ZNF215: variants seen among roughly 807,000 people sequenced by gnomAD.
The protein encoded by ZNF215 is zinc finger protein 215.
In ZNF215, 24 loss-of-function variants were observed where a neutral mutation model predicts 27.2. The observed-to-expected ratio is 0.88, with a 90% CI of 0.64 to 1.24. ZNF215 has a LOEUF of 1.24. ZNF215 is among the 50% of genes most tolerant of loss of function. The pLI is 0.00. For synonymous variants in ZNF215, 210 were observed against 204.0 expected (o/e 1.03, Z -0.25); for missense variants, 675 against 605.7 (o/e 1.11, Z -1.20).
Position 6,932,634 on chromosome 11 carries a change from C to T in ZNF215, c.362C>T (p.Thr121Ile). 1 of 1,613,510 alleles carries T rather than the reference C, an allele frequency of 6.2e-7. No individual in the cohort carries two copies. The highest frequency in any genetic ancestry group is 8.5e-7 in the Non-Finnish European group (1 of 1,179,704). ...CCAAACAACAGTAAAGATATGGTGA[C>T]CCTCATAGAAGATGTGATTGAAATG... The part of the protein sequence containing the change: ...QHPNNSKDMV[T>I]LIEDVIEMLE... Residue 121 changes from threonine to isoleucine, a missense_variant, in exon 3 of 7, where the codon ACC becomes ATC. Coordinates refer to ENST00000278319, the MANE Select transcript of ZNF215 (RefSeq NM_013250.4).
In ZNF215 at chr11:6,932,600, T is replaced by C; in HGVS notation, c.328T>C (p.Leu110=). ...LPEEVRTWVN[L]QHPNNSKDMV... is the part of the protein sequence containing the mutation. ...TGAAGAAGTCAGGACTTGGGTGAAT[T>C]TACAACATCCAAACAACAGTAAAGA... Residue 110 remains leucine, a synonymous_variant, in exon 3 of 7, where the codon TTA becomes CTA. Transcript: ENST00000278319. 1.9e-6 allele frequency: 3 copies of C among 1,614,134 alleles called. No individual in the cohort carries two copies. The highest frequency in any genetic ancestry group is 1.7e-6 in the Non-Finnish European group (2 of 1,180,022).
intron 5 of ZNF215, among the ~76,000 whole-genome samples, chr11:6,975,828 T>C (rs1029473268): frequency 3.9e-5 from 6 of 152,162 alleles, no homozygotes; most frequent in African/African-American, 1.4e-4. Context: ...CAGATATTTC[T>C]TTGATATACT....
chr11:6,968,720 G>T (rs1162253384), intron 5 of ZNF215, among the ~76,000 whole-genome samples: 3 of 151,944 alleles, frequency 2.0e-5, no homozygotes, highest in African/African-American at 7.3e-5. Flanking sequence ...ACAAAAGTTA[G>T]CCAGGCATGG....
rs550024325 is a variant in ZNF215, at chr11:6,931,843, A to G, written c.-179-251A>G. On this transcript the variant is annotated intron_variant, in intron 2 of 6. Coordinates refer to ENST00000278319, the MANE Select transcript of ZNF215 (RefSeq NM_013250.4). ...ATAGAATAAATCTAATTGTAATTCA[A>G]TTACGAAGTTTTTTTAAATCAAAGG... 7.2e-5 allele frequency among the ~76,000 whole-genome samples: 11 copies of G among 152,336 alleles called. No individual in the cohort carries two copies. The East Asian group carries it at 7.7e-4, about 11-fold the overall frequency.
intron 2 of ZNF215, among the ~76,000 whole-genome samples, chr11:6,928,029 T>G (rs1340727407): frequency 6.6e-6 from 1 of 152,226 alleles, no homozygotes; most frequent in East Asian, 1.9e-4. Context: ...TTTGATTCTC[T>G]TTTATCTTTT....
chr11:6,988,456 C>A (rs1851083239), downstream of ZNF215: 2 of 170,660 alleles, frequency 1.2e-5, no homozygotes, highest in Admixed American at 6.5e-5. Context: ...TTTAGAACAG[C>A]ATATAATAAA....
exon 6 of ZNF215, chr11:6,984,411 C>A: frequency 6.3e-6 from 1 of 158,106 alleles, no homozygotes; most frequent in Non-Finnish European, 1.4e-5. Context: ...GCCCAGCTGT[C>A]CCTTAACATT....
At chr11:6,958,923 G>T (rs1850458959), downstream of ZNF215, among the ~76,000 whole-genome samples, 4 of 152,008 alleles carry the variant, frequency 2.6e-5, no homozygotes, top group Admixed American at 2.6e-4. Context: ...CTTTTATTTT[G>T]GCCACACTGG....
At chr11:6,942,582 G>C (rs1400373881) in intron 4 of ZNF215, among the ~76,000 whole-genome samples, 2 of 152,058 alleles carry the variant, frequency 1.3e-5, no homozygotes, top group Non-Finnish European at 2.9e-5. Context: ...AGGCAATCTT[G>C]CCCATTTGAT....
intron 5 of ZNF215, among the ~76,000 whole-genome samples, chr11:6,963,316 A>G (rs1279692872): frequency 6.6e-6 from 1 of 152,008 alleles, no homozygotes; most frequent in Non-Finnish European, 1.5e-5. Flanking sequence ...CATAGAGTAT[A>G]CAGGTTTCTT....
intron 5 of ZNF215, among the ~76,000 whole-genome samples, chr11:6,979,942 C>T (rs557515850): frequency 6.6e-6 from 1 of 151,922 alleles, no homozygotes; most frequent in Non-Finnish European, 1.5e-5. Flanking sequence ...GTTTTTCAAC[C>T]AACTTCCTGA....
intron 5 of ZNF215, among the ~76,000 whole-genome samples, chr11:6,981,550 T>G (rs536754110): frequency 6.6e-6 from 1 of 152,192 alleles, no homozygotes; most frequent in South Asian, 2.1e-4. Flanking sequence ...TTTCTCCCAT[T>G]TTGTAGGTTG....
downstream of ZNF215, chr11:6,988,815 TATA>T (rs1391664388): frequency 1.3e-5 from 2 of 152,094 alleles, no homozygotes; most frequent in African/African-American, 4.8e-5. Flanking sequence ...ACCAAATAAA[TATA>T]ATACCTTGAT....
In ZNF215 at chr11:6,943,564, C is replaced by T; in HGVS notation, c.635C>T (p.Pro212Leu). Residue 212 changes from proline to leucine, a missense_variant, in exon 6 of 7, where the codon CCA (proline) becomes CTA (leucine). Pro to Leu is a moderately conservative substitution (Grantham distance 98). Transcript: ENST00000278319. ...TGAACAGCACATCTACTTTCCAAAC[C>T]ATTTGAGAGCCTTAAGTTGGAGAGT... ...SLRKAHLLSKPFESLKLESKK... is the reference protein window; with the variant it reads ...SLRKAHLLSKLFESLKLESKK... The T allele has an allele frequency of 6.2e-7, 1 of 1,613,534 alleles. No homozygotes were observed. The highest frequency in any genetic ancestry group is 2.2e-5 in the East Asian group (1 of 44,860).
intron 5 of ZNF215, among the ~76,000 whole-genome samples, chr11:6,975,517 C>G (rs1035179235): frequency 6.6e-6 from 1 of 151,918 alleles, no homozygotes; most frequent in Non-Finnish European, 1.5e-5. Flanking sequence ...CCTCCCAGCC[C>G]CTAACTACCC....
chr11:6,978,758 A>C (rs1850883892), intron 5 of ZNF215, among the ~76,000 whole-genome samples: 1 of 18,566 alleles, frequency 5.4e-5, no homozygotes, highest in Non-Finnish European at 9.6e-5. Context: ...ATCTCTACCA[A>C]AAAAAAAAAT....
At chr11:6,949,219 G>C (rs542752313) in intron 6 of ZNF215, among the ~76,000 whole-genome samples, 45 of 152,162 alleles carry the variant, frequency 3.0e-4, no homozygotes, top group Admixed American at 2.6e-3. Context: ...ACGTGTGCAT[G>C]TGTCTTTATA....
chr11:6,993,526 C>T (rs942711558), downstream of ZNF215, among the ~76,000 whole-genome samples: 1 of 151,616 alleles, frequency 6.6e-6, no homozygotes, highest in Non-Finnish European at 1.5e-5. Context: ...TTTTATACCC[C>T]CTCTCACTTA....
rs1273735099 is a variant in ZNF215, at chr11:6,943,598, A to G, written c.669A>G (p.Lys223=). 1 of 1,614,130 alleles carries G rather than the reference A, an allele frequency of 6.2e-7. No homozygotes were observed. Among genetic ancestry groups the G allele is most frequent in the South Asian group, 1.1e-5 (1 of 91,078 alleles). Residue 223 remains lysine, a synonymous_variant, in exon 6 of 7, where the codon AAA becomes AAG. Transcript: ENST00000278319. The part of the protein sequence containing the change: ...FESLKLESKK[K]RWIMEKEIPR... ...GCCTTAAGTTGGAGAGTAAGAAAAA[A>G]AGATGGATAATGGAGAAAGAAATAC...
Sources: allele counts gnomAD v4.1 joint callset (sites outside exome capture counted in the v4.1 genomes callset), GRCh38; gene constraint gnomAD v4.1.1; transcripts MANE v1.5; gene names NCBI Gene and HGNC (gene_info 2026-07-23, HGNC 2026-07-21).